The following ECE1 variants were observed in gnomAD, a reference collection of about 807,000 sequenced individuals.
ECE1 encodes the protein endothelin converting enzyme 1.
Under a neutral mutation model 98.6 loss-of-function variants are expected in ECE1, and 35 were observed. The observed-to-expected ratio is 0.35, with a 90% CI of 0.27 to 0.47. The LOEUF (loss-of-function observed/expected upper bound fraction) is 0.47, where lower values mean the gene tolerates loss of function less well. ECE1 is among the 20% of genes least tolerant of loss of function. The pLI, the probability that ECE1 is intolerant of heterozygous loss-of-function variation, is 1.00. For missense variants in ECE1, 814 were observed against 1,025.3 expected (o/e 0.79, Z 2.81); for synonymous variants, 394 against 407.1 (o/e 0.97, Z 0.39).
intron 1 of ECE1, among the ~76,000 whole-genome samples, chr1:21,311,684 G>A (rs1208824291): frequency 3.3e-5 from 5 of 151,738 alleles, no homozygotes; most frequent in African/African-American, 4.8e-5. Context: ...GCGTGGTGGT[G>A]CACATCTGTA....
chr1:21,246,510 A>G (rs1334530448), intron 9 of ECE1, among the ~76,000 whole-genome samples: 1 of 148,616 alleles, frequency 6.7e-6, no homozygotes, highest in Non-Finnish European at 1.5e-5. Flanking sequence ...AAAAAAAAAA[A>G]AAAAGAAAAG....
chr1:21,336,646 A>G (rs1470859617), intron 1 of ECE1, among the ~76,000 whole-genome samples: 1 of 152,202 alleles, frequency 6.6e-6, no homozygotes, highest in Non-Finnish European at 1.5e-5. Context: ...GATTGAGACC[A>G]TCCTGGCTAA....
intron 2 of ECE1, among the ~76,000 whole-genome samples, chr1:21,280,862 C>T (rs1234805178): frequency 6.6e-6 from 1 of 151,994 alleles, no homozygotes; most frequent in African/African-American, 2.4e-5. Flanking sequence ...AACACAAGCA[C>T]TTTCTGTGGA....
chr1:21,234,821 C>T lies in ECE1; in HGVS notation c.1566+1029G>A, dbSNP rs572251205. 1.1e-3 allele frequency among the ~76,000 whole-genome samples: 170 copies of T among 152,320 alleles called. 1 individual carries two copies. Among genetic ancestry groups the T allele is most frequent in the African/African-American group, 3.7e-3 (154 of 41,568 alleles). ...AAAATTCTCCCTGGTTCTGGTGAAACGCTGGAGCCTCAGGGACAGGACATG... is the reference window on the plus strand; with the variant it reads ...AAAATTCTCCCTGGTTCTGGTGAAATGCTGGAGCCTCAGGGACAGGACATG... On this transcript the variant is annotated intron_variant, in intron 13 of 18. Coordinates refer to ENST00000374893, the MANE Select transcript of ECE1 (RefSeq NM_001397.3).
At chr1:21,254,030 C>G (rs1231334934) in intron 8 of ECE1, among the ~76,000 whole-genome samples, 2 of 146,004 alleles carry the variant, frequency 1.4e-5, no homozygotes, top group Non-Finnish European at 3.0e-5. Context: ...GATCATGCCA[C>G]TGCACTCCAT....
intron 2 of ECE1, among the ~76,000 whole-genome samples, chr1:21,284,226 T>A (rs955397244): frequency 6.6e-6 from 1 of 152,106 alleles, no homozygotes; most frequent in African/African-American, 2.4e-5. Flanking sequence ...GTTTCTTACG[T>A]TTCTTTTGGA....
chr1:21,240,592 A>C (rs1573952146), intron 10 of ECE1, among the ~76,000 whole-genome samples: 1 of 129,792 alleles, frequency 7.7e-6, no homozygotes, highest in Non-Finnish European at 1.7e-5. Context: ...TCTAGGCAAG[A>C]AAGAAAGGAA....
intron 1 of ECE1, among the ~76,000 whole-genome samples, chr1:21,335,429 C>T (rs1186089176): frequency 6.6e-6 from 1 of 152,202 alleles, no homozygotes; most frequent in Non-Finnish European, 1.5e-5. Flanking sequence ...CTTCTGTCCC[C>T]ACAATGAGGC....
intron 3 of ECE1, among the ~76,000 whole-genome samples, chr1:21,275,388 A>T (rs1202036908): frequency 6.6e-6 from 1 of 152,226 alleles, no homozygotes; most frequent in Non-Finnish European, 1.5e-5. Context: ...TGAGGTCAGG[A>T]GTTCGAGACC....
Position 21,219,882 on chromosome 1 carries a change from GCC to G in ECE1, c.*71_*72del. On this transcript the variant is annotated 3_prime_UTR_variant, in exon 19 of 19. Coordinates refer to ENST00000374893, the MANE Select transcript of ECE1 (RefSeq NM_001397.3). The surrounding 1 kb of genome is among the most constrained non-coding windows in gnomAD (Gnocchi z 4.5). ...CGGGTGGCCAAGCGGGCTGAGCAATGCCCTGGAGGCTGGATGGGGGTCTCGTC... is the reference window on the plus strand; with the variant it reads ...CGGGTGGCCAAGCGGGCTGAGCAATGCTGGAGGCTGGATGGGGGTCTCGTC... 6.3e-7 allele frequency: 1 copy of G among 1,593,696 alleles called. No individual in the cohort carries two copies. Among genetic ancestry groups the G allele is most frequent in the Non-Finnish European group, 8.6e-7 (1 of 1,167,568 alleles).
chr1:21,293,931 C>G (rs1353115422), upstream of ECE1: 1 of 152,812 alleles, frequency 6.5e-6, no homozygotes, highest in African/African-American at 2.4e-5. Flanking sequence ...CCTAACCCCA[C>G]AGTGCCTCGT....
intron 2 of ECE1, among the ~76,000 whole-genome samples, chr1:21,288,548 C>G (rs1176491582): frequency 6.6e-6 from 1 of 152,186 alleles, no homozygotes; most frequent in African/African-American, 2.4e-5. Flanking sequence ...AGGTTATACC[C>G]CAAACAGGCT....
At chr1:21,248,673 C>G (rs569385130) in intron 8 of ECE1, among the ~76,000 whole-genome samples, 1 of 151,536 alleles carries the variant, frequency 6.6e-6, no homozygotes, top group African/African-American at 2.4e-5. Context: ...TGTCTAGGCT[C>G]TAGTGCAGTG....
rs543202032 is a variant in ECE1, at chr1:21,271,329, A to C, written c.493+1370T>G. The stretch of plus-strand genomic sequence containing the variant: ...GTTTGCCTACTTTCCCTGTAATCTA[A>C]AAGACCCAGTTGCCTTAAATTGTTA... On this transcript the variant is annotated intron_variant, in intron 4 of 18. Coordinates refer to ENST00000374893, the MANE Select transcript of ECE1 (RefSeq NM_001397.3). 6.2e-4 allele frequency among the ~76,000 whole-genome samples: 94 copies of C among 152,312 alleles called. 2 individuals carry two copies. In the South Asian group the frequency reaches 8.3e-3, roughly 13 times the overall value.
At position 21,233,379 on chromosome 1, in the gene ECE1, T is replaced by G; in HGVS notation, c.1670+179A>C. On this transcript the variant is annotated intron_variant, in intron 14 of 18. Transcript: ENST00000374893. This position sits in a 1 kb window ranked among gnomAD's most constrained non-coding sequence, Gnocchi z 4.0. ...ATCCCAGCTCCTAGCTGGGCCATAC[T>G]TCTTTTGCCCTTGGTTTCTTCATCT... is the stretch of plus-strand genomic sequence containing the variant. 1.7e-6 allele frequency: 1 copy of G among 585,092 alleles called. No homozygotes were observed. The highest frequency in any genetic ancestry group is 3.0e-6 in the Non-Finnish European group (1 of 331,358). The allele number at this position is 585,092 out of a possible 1,614,324, so 36.2% of individuals were successfully genotyped here. A position where few individuals can be genotyped will look rare whatever the true frequency, so the allele number is the denominator to read the frequency against.
intron 4 of ECE1, among the ~76,000 whole-genome samples, chr1:21,271,831 A>AG (rs1231832167): frequency 6.6e-6 from 1 of 152,150 alleles, no homozygotes; most frequent in Non-Finnish European, 1.5e-5. Flanking sequence ...CTCTGACCAG[A>AG]GGGCTTATCG....
chr1:21,265,363 C>A lies in ECE1; in HGVS notation c.494-4971G>T, dbSNP rs926667553. Among the ~76,000 whole-genome samples the A allele has an allele frequency of 3.3e-5, 5 of 152,120 alleles. No individual in the cohort carries two copies. In the East Asian group the frequency reaches 9.6e-4, roughly 29 times the overall value. On this transcript the variant is annotated intron_variant, in intron 4 of 18. Transcript: ENST00000374893. ...CCTGGCCAACCTGGTGAAACCCTGT[C>A]TCTACTAAAAATACAAAAGTTATCC...
intron 1 of ECE1, among the ~76,000 whole-genome samples, chr1:21,337,953 C>T (rs1249751825): frequency 1.3e-5 from 2 of 152,200 alleles, no homozygotes; most frequent in Non-Finnish European, 2.9e-5. Context: ...CCTCGCCCCT[C>T]GCCCCCTCCT....
intron 1 of ECE1, among the ~76,000 whole-genome samples, chr1:21,342,170 G>A (rs985162960): frequency 9.2e-5 from 14 of 152,100 alleles, no homozygotes; most frequent in African/African-American, 3.1e-4. Context: ...AACCCTCAGC[G>A]GTAGCCTCAA....
Sources: allele counts gnomAD v4.1 joint callset (sites outside exome capture counted in the v4.1 genomes callset), GRCh38; gene constraint gnomAD v4.1.1; non-coding constraint Gnocchi (gnomAD v3.1); transcripts MANE v1.5; gene names NCBI Gene and HGNC (gene_info 2026-07-23, HGNC 2026-07-21).